Variants in RDH13 observed in about 807,000 individuals in gnomAD.
RDH13 encodes the protein retinol dehydrogenase 13 (all-trans and 9-cis).
Under a neutral mutation model 28.3 loss-of-function variants are expected in RDH13, and 35 were observed. The observed-to-expected ratio is 1.24, with a 90% CI of 0.95 to 1.64. The LOEUF (loss-of-function observed/expected upper bound fraction) is 1.64. Ranked by LOEUF, RDH13 falls within the 40% of genes most tolerant of loss-of-function variation. The pLI is 0.00. For synonymous variants in RDH13, 229 were observed against 198.5 expected (o/e 1.15, Z -1.29); for missense variants, 514 against 446.3 (o/e 1.15, Z -1.37).
chr19:55,061,348 C>T (rs373849582), intron 1 of RDH13, among the ~76,000 whole-genome samples: 26 of 151,486 alleles, frequency 1.7e-4, no homozygotes, highest in African/African-American at 6.1e-4. Flanking sequence ...TCAGGCTGGT[C>T]TCGAACTCCT....
chr19:55,048,002 G>A, intron 5 of RDH13: 1 of 1,324,290 alleles, frequency 7.6e-7, no homozygotes, highest in Non-Finnish European at 1.0e-6. Flanking sequence ...GTGTTTCCAG[G>A]CATTGACAAC....
intron 1 of RDH13, among the ~76,000 whole-genome samples, chr19:55,059,586 T>TGGGGGGGGGGG (rs202150997): frequency 1.0e-4 from 8 of 79,250 alleles, no homozygotes; most frequent in Admixed American, 2.8e-4. Context: ...GTTTTGGGGG[T>TGGGGGGGGGGG]GGGGGGGGGC....
intron 5 of RDH13, chr19:55,047,911 C>T (rs532518228): frequency 3.1e-5 from 17 of 552,790 alleles, no homozygotes; most frequent in East Asian, 8.5e-5. Context: ...CCATCCCGTG[C>T]GCTGTAGGAC....
At chr19:55,043,909 A>C (rs988022296), downstream of RDH13, among the ~76,000 whole-genome samples, 2 of 130,668 alleles carry the variant, frequency 1.5e-5, no homozygotes, top group African/African-American at 5.3e-5. Flanking sequence ...TTCATCTCTA[A>C]AAAGTCGGAA....
At chr19:55,064,694 C>T (rs1254577275), upstream of RDH13, among the ~76,000 whole-genome samples, 1 of 150,762 alleles carries the variant, frequency 6.6e-6, no homozygotes, top group Non-Finnish European at 1.5e-5. Flanking sequence ...CTCACTGCAA[C>T]CTCTGCCTCC....
At chr19:55,060,230 A>G (rs2075768673) in intron 1 of RDH13, among the ~76,000 whole-genome samples, 1 of 149,084 alleles carries the variant, frequency 6.7e-6, no homozygotes, top group African/African-American at 2.5e-5. Context: ...GTCTCGGTAT[A>G]AAACCTGATT....
rs375117503 is a variant in RDH13 at position 55,048,738 on chromosome 19, G to A, written c.366C>T (p.Ile122=). Residue 122 remains isoleucine (I), a synonymous_variant, in exon 4 of 7, where the codon ATC becomes ATT. Coordinates refer to ENST00000415061, the MANE Select transcript of RDH13 (RefSeq NM_001145971.2). The part of the protein sequence containing the change: ...IEEEERVDIL[I]NNAGVMRCPH... ...GGCACCGCATCACACCCGCGTTGTT[G>A]ATTAGAATGTCCACTCGCTCCTCCT... The A allele has an allele frequency of 1.7e-3, 2,816 of 1,614,044 alleles. 57 individuals are homozygous for A. In the South Asian group the frequency reaches 0.028, roughly 16 times the overall value.
rs201139295 is a variant in RDH13 at position 55,045,159 on chromosome 19, T to A, written c.911A>T (p.Glu304Val). 4.7e-4 allele frequency: 753 copies of A among 1,613,650 alleles called. 1 individual carries two copies. The highest frequency in any genetic ancestry group is 2.8e-3 in the Middle Eastern group (17 of 6,058). Reference sequence around the variant, plus strand: ...TTCAGCCCAAAGCCTCCGGGCCACCTCCTCATCCTCAGCCTCGGGGGCCGG... The same window carrying A: ...TTCAGCCCAAAGCCTCCGGGCCACCACCTCATCCTCAGCCTCGGGGGCCGG... ...KAPAPEAEDEEVARRLWAESA... is the reference protein window; with the variant it reads ...KAPAPEAEDEVVARRLWAESA... Residue 304 changes from glutamate to valine, a missense_variant, in exon 7 of 7, where the codon GAG (glutamate) becomes GTG (valine). Glu to Val is a moderately radical substitution (Grantham distance 121). Transcript: ENST00000415061.
chr19:55,047,638 A>G, intron 5 of RDH13, 150 bp from the exon 6 acceptor site: 1 of 1,369,506 alleles, frequency 7.3e-7, no homozygotes, highest in Non-Finnish European at 9.7e-7. Flanking sequence ...ATCTTAGTGA[A>G]GTGGTCTTAT....
chr19:55,056,149 A>G (rs1356089955), intron 3 of RDH13, among the ~76,000 whole-genome samples: 1 of 151,686 alleles, frequency 6.6e-6, no homozygotes. Context: ...GCGAGACCCC[A>G]TCTGTCTCAA....
chr19:55,065,862 C>T (rs528357859), upstream of RDH13, among the ~76,000 whole-genome samples: 3 of 152,218 alleles, frequency 2.0e-5, no homozygotes, highest in African/African-American at 7.2e-5. Flanking sequence ...GGATTACAGG[C>T]GCTCGCCGCC....
chr19:55,041,517 A>G (rs796891671), downstream of RDH13: 6 of 137,010 alleles, frequency 4.4e-5, no homozygotes, highest in African/African-American at 1.6e-4. Context: ...CTTTCCCGTA[A>G]GAGCAACTTA....
At chr19:55,060,477 T>C (rs549002487) in intron 1 of RDH13, among the ~76,000 whole-genome samples, 1 of 152,342 alleles carries the variant, frequency 6.6e-6, no homozygotes, top group South Asian at 2.1e-4. Flanking sequence ...GCTCTCCTAC[T>C]ACATTCCTTT....
chr19:55,059,482 G>A (rs527788470), intron 1 of RDH13, among the ~76,000 whole-genome samples: 2 of 151,532 alleles, frequency 1.3e-5, no homozygotes, highest in South Asian at 2.1e-4. Flanking sequence ...CCTTCAGCAA[G>A]TGACAGTCAT....
At chr19:55,040,625 A>G (rs2075003289), downstream of RDH13, 1 of 152,250 alleles carries the variant, frequency 6.6e-6, no homozygotes, top group South Asian at 2.1e-4. Context: ...AGTTTTATCC[A>G]TTATAAATGC....
intron 5 of RDH13, chr19:55,048,076 C>G: frequency 6.7e-7 from 1 of 1,492,044 alleles, no homozygotes; most frequent in East Asian, 2.5e-5. Flanking sequence ...AGCTGCCTGC[C>G]CAACAGCAGC....
At chr19:55,050,934 C>G (rs1036733525) in intron 3 of RDH13, 4 of 151,466 alleles carry the variant, frequency 2.6e-5, no homozygotes, top group Non-Finnish European at 4.4e-5. Flanking sequence ...GGTTCAAAGC[C>G]TGGCTCCACC....
chr19:55,065,255 G>T (rs568494356), upstream of RDH13, among the ~76,000 whole-genome samples: 4 of 151,240 alleles, frequency 2.6e-5, 1 homozygote, highest in East Asian at 8.0e-4. Context: ...TTGGTGGCAC[G>T]CATCTGCACC....
intron 1 of RDH13, 50 bp downstream of exon 1, chr19:55,062,918 T>A: frequency 7.2e-7 from 1 of 1,383,716 alleles, no homozygotes; most frequent in Non-Finnish European, 9.4e-7. Flanking sequence ...TCCCGGCCCC[T>A]GCGCTGGGGG....
Sources: allele counts gnomAD v4.1 joint callset (sites outside exome capture counted in the v4.1 genomes callset), GRCh38; gene constraint gnomAD v4.1.1; transcripts MANE v1.5; gene names NCBI Gene and HGNC (gene_info 2026-07-23, HGNC 2026-07-21).